PLB1: variants seen among roughly 807,000 people sequenced by gnomAD.
PLB1 encodes the protein phospholipase B1, membrane-associated.
In PLB1, 242 loss-of-function variants were observed where a neutral mutation model predicts 227.4. That is an observed-to-expected ratio of 1.06 (90% CI 0.96 to 1.18). The LOEUF is 1.18. Among genes scored for constraint, PLB1 ranks in the 50% most tolerant of loss-of-function variants. The pLI is 0.00. For missense variants in PLB1, 1,858 were observed against 1,816.3 expected (o/e 1.02, Z -0.42); for synonymous variants, 757 against 682.2 (o/e 1.11, Z -1.71).
chr2:28,528,728 C>T (rs577308256), intron 6 of PLB1, among the ~76,000 whole-genome samples: 10 of 152,240 alleles, frequency 6.6e-5, no homozygotes, highest in South Asian at 2.1e-4. Context: ...AGTGAGATAA[C>T]GCATGTAAAG....
At chr2:28,624,028 G>T (rs1426107972) in intron 49 of PLB1, among the ~76,000 whole-genome samples, 1 of 152,140 alleles carries the variant, frequency 6.6e-6, no homozygotes, top group African/African-American at 2.4e-5. Flanking sequence ...GCTCAGAGGG[G>T]TTGAGGCTGC....
At chr2:28,568,158 T>C (rs180870696) in intron 20 of PLB1, among the ~76,000 whole-genome samples, 250 of 152,314 alleles carry the variant, frequency 1.6e-3, no homozygotes, top group Non-Finnish European at 2.9e-3. Context: ...CTGCCTTCTT[T>C]ATATCTAGGT....
chr2:28,519,626 C>G, intron 3 of PLB1, 79 bp from the exon 4 acceptor site: 2 of 1,071,324 alleles, frequency 1.9e-6, no homozygotes, highest in Non-Finnish European at 2.8e-6. Context: ...ATGTGAGTCT[C>G]CTCTCCCATA....
chr2:28,608,124 G>A (rs1684938989), intron 43 of PLB1, among the ~76,000 whole-genome samples: 1 of 152,236 alleles, frequency 6.6e-6, no homozygotes, highest in African/African-American at 2.4e-5. Context: ...CCACTGCACT[G>A]ATTTGCAGAG....
At chr2:28,573,605 G>A (rs1031772358) in intron 21 of PLB1, among the ~76,000 whole-genome samples, 2 of 152,200 alleles carry the variant, frequency 1.3e-5, no homozygotes, top group African/African-American at 2.4e-5. Flanking sequence ...CTCACTCTGC[G>A]TCCCAGTTGT....
intron 31 of PLB1, 49 bp downstream of exon 31, chr2:28,591,809 G>A (rs1383712239): frequency 1.9e-6 from 3 of 1,560,882 alleles, no homozygotes; most frequent in African/African-American, 2.7e-5. Flanking sequence ...CACAGGGGCT[G>A]CTATGCTGGT....
rs1270269488 is a variant in PLB1, at chr2:28,597,992, TCACTCCCTACAGTGCAGGAGGGGAC to T, written c.2322-12_2334del. ...CTCTCCCTCTCATTCACTGGCTTGC[TCACTCCCTACAGTGCAGGAGGGGAC>T]GGCTCCCTGGAGAATGTGACCACCT... On this transcript the variant is annotated splice_acceptor_variant and splice_polypyrimidine_tract_variant and coding_sequence_variant and intron_variant, in exon 34 of 58. Transcript: ENST00000327757. LOFTEE classifies it high-confidence loss of function. 1.2e-6 allele frequency: 2 copies of T among 1,611,432 alleles called. No homozygotes were observed. Among genetic ancestry groups the T allele is most frequent in the Non-Finnish European group, 1.7e-6 (2 of 1,177,592 alleles).
Position 28,632,999 on chromosome 2 carries a change from G to A in PLB1, c.4058G>A (p.Arg1353His), listed in dbSNP as rs143330962. 9.9e-5 allele frequency: 160 copies of A among 1,608,728 alleles called. No homozygotes were observed. Among genetic ancestry groups the A allele is most frequent in the Non-Finnish European group, 1.3e-4 (148 of 1,179,980 alleles). Reference protein sequence around the residue: ...FSEDCFHFSDRGHAEMAIALW... With the variant: ...FSEDCFHFSDHGHAEMAIALW... Reference sequence around the variant, plus strand: ...GAGGACTGTTTTCACTTCTCAGACCGCGGGCATGCCGAGATGGCCATCGCA... The same window carrying A: ...GAGGACTGTTTTCACTTCTCAGACCACGGGCATGCCGAGATGGCCATCGCA... Residue 1353 changes from arginine to histidine, a missense_variant, in exon 56 of 58, where the codon CGC becomes CAC. Coordinates refer to ENST00000327757, the MANE Select transcript of PLB1 (RefSeq NM_153021.5).
intron 1 of PLB1, among the ~76,000 whole-genome samples, chr2:28,497,224 A>C (rs1315468823): frequency 1.3e-5 from 2 of 152,284 alleles, no homozygotes; most frequent in South Asian, 4.1e-4. Flanking sequence ...ATATATGACA[A>C]ATATCTTGTT....
At chr2:28,600,985 C>T (rs960679013) in intron 36 of PLB1, 125 bp downstream of exon 36, 18 of 893,004 alleles carry the variant, frequency 2.0e-5, no homozygotes, top group African/African-American at 3.3e-5. Flanking sequence ...AAGCAGTGGT[C>T]GGACAGCCCC....
intron 43 of PLB1, 25 bp from the exon 44 acceptor site, chr2:28,614,006 C>T (rs773732713): frequency 1.3e-6 from 2 of 1,588,980 alleles, no homozygotes; most frequent in Admixed American, 1.7e-5. Flanking sequence ...CAGATAACTT[C>T]TCCATGTGTT....
rs779731346 is a variant in PLB1 at position 28,602,880 on chromosome 2, G to C, written c.2733G>C (p.Val911=). 6 of 1,614,190 alleles carry C rather than the reference G, an allele frequency of 3.7e-6. No homozygotes were observed. Among genetic ancestry groups the C allele is most frequent in the Non-Finnish European group, 5.1e-6 (6 of 1,180,020 alleles). The change falls in exon 39 of 58, where the codon GTG becomes GTC. Residue 911 remains valine (V), a synonymous_variant. Transcript: ENST00000327757. ...TGAACCCCACTATCATGCGGCAGGT[G>C]TTCCTGGGAAACCCAGACAAGTGCC... ...DFLNPTIMRQ[V]FLGNPDKCPV...
At chr2:28,631,996 C>T in intron 54 of PLB1, 40 bp from the exon 55 acceptor site, 1 of 1,552,564 alleles carries the variant, frequency 6.4e-7, no homozygotes, top group Non-Finnish European at 8.9e-7. Context: ...TCTGTGCAGC[C>T]TTGCCAGGAG....
chr2:28,637,445 G>C (rs1378488924), intron 56 of PLB1, among the ~76,000 whole-genome samples: 1 of 152,114 alleles, frequency 6.6e-6, no homozygotes, highest in Admixed American at 6.5e-5. Context: ...AATGTGCAGG[G>C]TTTATGAACC....
In PLB1 at chr2:28,602,941, C is replaced by T. The variant is rs1467264897; in HGVS notation, c.2774+20C>T. 1 of 1,603,210 alleles carries T rather than the reference C, an allele frequency of 6.2e-7. No homozygotes were observed. The highest frequency in any genetic ancestry group is 8.5e-7 in the Non-Finnish European group (1 of 1,170,312). ...GGCCAGGTAGGCAGGTCCTGGCTGT[C>T]CCCACACTGGAGATGCCCTCACCTC... On this transcript the variant is annotated intron_variant, in intron 39 of 57. Coordinates refer to ENST00000327757, the MANE Select transcript of PLB1 (RefSeq NM_153021.5).
At chr2:28,570,956 C>CCCATCA (rs1677912056) in intron 20 of PLB1, among the ~76,000 whole-genome samples, 1 of 152,144 alleles carries the variant, frequency 6.6e-6, no homozygotes, top group South Asian at 2.1e-4. Context: ...CATGCTCTTG[C>CCCATCA]CACTTTTATT....
chr2:28,600,284 G>C (rs966096421), intron 35 of PLB1, among the ~76,000 whole-genome samples: 1 of 152,172 alleles, frequency 6.6e-6, no homozygotes, highest in African/African-American at 2.4e-5. Flanking sequence ...GAACCATTTA[G>C]ATAAGTTTAC....
chr2:28,529,447 C>T, intron 7 of PLB1, 40 bp downstream of exon 7: 1 of 1,478,066 alleles, frequency 6.8e-7, no homozygotes, highest in Non-Finnish European at 9.5e-7. Context: ...TTATGTGTTC[C>T]TACTGGTCTT....
intron 13 of PLB1, among the ~76,000 whole-genome samples, chr2:28,542,111 C>T (rs1395349913): frequency 2.1e-5 from 3 of 142,290 alleles, no homozygotes; most frequent in African/African-American, 7.8e-5. Flanking sequence ...CCAGCCTGGG[C>T]AGTAGAACGA....
Sources: gnomAD v4.1 joint callset for allele counts (sites outside exome capture counted in the v4.1 genomes callset) on GRCh38, gnomAD v4.1.1 for gene constraint, MANE v1.5 for transcripts, NCBI Gene and HGNC (gene_info 2026-07-23, HGNC 2026-07-21) for gene names.